Variants in PARL observed in about 807,000 individuals in gnomAD.
PARL encodes presenilin-associated rhomboid-like protein, mitochondrial.
In PARL, 44 loss-of-function variants were observed where a neutral mutation model predicts 51.6. The ratio of observed to expected loss-of-function variants is 0.85; its 90% CI spans 0.67 to 1.10. The LOEUF is 1.10. PARL is among the 50% of genes least tolerant of loss of function. The pLI is 0.00. For missense variants in PARL, 441 were observed against 469.5 expected (o/e 0.94, Z 0.56); for synonymous variants, 172 against 164.0 (o/e 1.05, Z -0.37).
At chr3:183,870,923 AG>A (rs2108688220) in intron 1 of PARL, among the ~76,000 whole-genome samples, 1 of 152,186 alleles carries the variant, frequency 6.6e-6, no homozygotes, top group South Asian at 2.1e-4. Flanking sequence ...CTCCTCCTCC[AG>A]GAAGTCTTCC....
intron 1 of PARL, among the ~76,000 whole-genome samples, chr3:183,882,341 A>ACACATATATACATATATG (rs1324969004): frequency 6.8e-6 from 1 of 146,988 alleles, no homozygotes; most frequent in Non-Finnish European, 1.5e-5. Context: ...ATATATACAC[A>ACACATATATACATATATG]CACATATATA....
At chr3:183,859,669 G>GC (rs1461310274) in intron 4 of PARL, among the ~76,000 whole-genome samples, 1 of 152,040 alleles carries the variant, frequency 6.6e-6, no homozygotes, top group African/African-American at 2.4e-5. Flanking sequence ...ACCACCAGAT[G>GC]CCACCTTAAC....
At chr3:183,841,045 A>G (rs960162817) in intron 6 of PARL, among the ~76,000 whole-genome samples, 1 of 151,818 alleles carries the variant, frequency 6.6e-6, no homozygotes, top group African/African-American at 2.4e-5. Flanking sequence ...ACGGTCATTC[A>G]CTCCACTTCT....
chr3:183,867,669 CA>C (rs1256800317), intron 2 of PARL, among the ~76,000 whole-genome samples, 195 bp downstream of exon 2: 1 of 149,418 alleles, frequency 6.7e-6, no homozygotes, highest in Non-Finnish European at 1.5e-5. Flanking sequence ...CACTGCACTC[CA>C]ACCTGGGCGA....
At chr3:183,882,247 A>ATT (rs1291348787) in intron 1 of PARL, among the ~76,000 whole-genome samples, 856 of 23,290 alleles carry the variant, frequency 0.037, 54 homozygotes, top group Non-Finnish European at 0.051. Context: ...ATATATATTT[A>ATT]TATATATATA....
chr3:183,859,968 A>T (rs1483126625), intron 4 of PARL, among the ~76,000 whole-genome samples: 2 of 152,136 alleles, frequency 1.3e-5, no homozygotes, highest in Non-Finnish European at 2.9e-5. Context: ...CTAGGTATGA[A>T]TACTACAAAG....
intron 1 of PARL, among the ~76,000 whole-genome samples, chr3:183,872,000 A>AT (rs11364933): frequency 2.8e-3 from 338 of 122,586 alleles, no homozygotes; most frequent in African/African-American, 6.7e-3. Flanking sequence ...CCTAGAATGC[A>AT]TTTTTTTTTT....
At chr3:183,831,063 G>A (rs1727879971) in intron 9 of PARL, among the ~76,000 whole-genome samples, 1 of 152,094 alleles carries the variant, frequency 6.6e-6, no homozygotes, top group Admixed American at 6.6e-5. Flanking sequence ...TGTAACCTCT[G>A]CCTCCTGGCT....
At chr3:183,882,428 G>C (rs1734672693) in intron 1 of PARL, among the ~76,000 whole-genome samples, 1 of 149,068 alleles carries the variant, frequency 6.7e-6, no homozygotes, top group South Asian at 2.1e-4. Flanking sequence ...GAGAGAGAGA[G>C]AGAGAGAAAG....
intron 5 of PARL, among the ~76,000 whole-genome samples, chr3:183,844,011 C>G (rs1188793402): frequency 1.3e-5 from 2 of 152,126 alleles, no homozygotes; most frequent in African/African-American, 4.8e-5. Context: ...TGCACTCCAG[C>G]CTGGGCAACA....
chr3:183,864,897 A>G (rs914100490), intron 3 of PARL, among the ~76,000 whole-genome samples: 1 of 145,814 alleles, frequency 6.9e-6, no homozygotes, highest in African/African-American at 2.6e-5. Flanking sequence ...TAAAAGCTCC[A>G]TATTTCTTTT....
chr3:183,880,618 T>G (rs57299858), intron 1 of PARL, among the ~76,000 whole-genome samples: 1 of 151,658 alleles, frequency 6.6e-6, no homozygotes, highest in South Asian at 2.1e-4. Context: ...GCCAGGGTGG[T>G]CTCGAACTCC....
intron 7 of PARL, among the ~76,000 whole-genome samples, chr3:183,838,292 G>T (rs1437433597): frequency 6.6e-6 from 1 of 152,174 alleles, no homozygotes; most frequent in Non-Finnish European, 1.5e-5. Context: ...CTCCCAAAGT[G>T]TTGGGCCTAC....
intron 4 of PARL, among the ~76,000 whole-genome samples, chr3:183,859,441 G>A (rs889485084): frequency 6.6e-6 from 1 of 151,988 alleles, no homozygotes; most frequent in Non-Finnish European, 1.5e-5. Context: ...AAGTTCAAGC[G>A]ATTCTCCTGC....
At position 183,836,887 on chromosome 3, in the gene PARL, C is replaced by T. The variant is rs1004747825; in HGVS notation, c.829-3062G>A. ...GCCAAGTAGCTGGGACTAACAGGTA[C>T]ACACCACCATGCCCAGCTAATTTTT... On this transcript the variant is annotated intron_variant, in intron 7 of 9. Transcript: ENST00000317096. 5.3e-5 allele frequency among the ~76,000 whole-genome samples: 8 copies of T among 152,248 alleles called. No individual in the cohort carries two copies. The East Asian group carries it at 1.4e-3, about 26-fold the overall frequency.
chr3:183,844,327 C>CTA lies in PARL; in HGVS notation c.512-3_512-2dup, dbSNP rs1729697781. The CTA allele has an allele frequency of 6.5e-7, 1 of 1,545,792 alleles. No homozygotes were observed. Among genetic ancestry groups the CTA allele is most frequent in the African/African-American group, 1.4e-5 (1 of 73,626 alleles). ...ACAAGGACATTTGCAGCTATAATACCTACAAAATAAATATTTATAATTTAG... is the reference window on the plus strand; with the variant it reads ...ACAAGGACATTTGCAGCTATAATACCTATACAAAATAAATATTTATAATTTAG... On this transcript the variant is annotated splice_acceptor_variant, in intron 4 of 9. Transcript: ENST00000317096. LOFTEE classifies it high-confidence loss of function.
At chr3:183,883,161 A>G (rs1325328270) in intron 1 of PARL, among the ~76,000 whole-genome samples, 3 of 152,206 alleles carry the variant, frequency 2.0e-5, no homozygotes, top group African/African-American at 7.2e-5. Flanking sequence ...CTCAATTTTT[A>G]CTAGAGGCTC....
intron 1 of PARL, among the ~76,000 whole-genome samples, chr3:183,876,604 A>C (rs1288425457): frequency 7.3e-6 from 1 of 136,704 alleles, no homozygotes; most frequent in Non-Finnish European, 1.5e-5. Context: ...TAAGAAATAC[A>C]TTTTGTAAAA....
chr3:183,873,970 G>A (rs12108127), intron 1 of PARL, among the ~76,000 whole-genome samples: 16 of 152,086 alleles, frequency 1.1e-4, no homozygotes, highest in African/African-American at 3.9e-4. Flanking sequence ...GGCATACCTC[G>A]ATTTATTGTA....
Sources: gnomAD v4.1 joint callset for allele counts (sites outside exome capture counted in the v4.1 genomes callset) on GRCh38, gnomAD v4.1.1 for gene constraint, MANE v1.5 for transcripts, NCBI Gene and HGNC (gene_info 2026-07-23, HGNC 2026-07-21) for gene names.